GALNT14: variants seen among roughly 807,000 people sequenced by gnomAD.
GALNT14 encodes the protein UDP-GalNAc:polypeptide N-acetylgalactosaminyltransferase 14.
In GALNT14, 60 loss-of-function variants were observed where a neutral mutation model predicts 77.5. The ratio of observed to expected loss-of-function variants is 0.77; its 90% CI spans 0.63 to 0.96. The LOEUF (loss-of-function observed/expected upper bound fraction) is 0.96. GALNT14 is among the 40% of genes least tolerant of loss of function. The pLI is 0.00. For missense variants in GALNT14, 710 were observed against 731.0 expected (o/e 0.97, Z 0.33); for synonymous variants, 280 against 281.7 (o/e 0.99, Z 0.06).
chr2:30,918,770 T>G (rs1202563111), intron 13 of GALNT14, among the ~76,000 whole-genome samples: 3 of 75,962 alleles, frequency 3.9e-5, no homozygotes, highest in African/African-American at 5.2e-5. Context: ...GCAGGGAGGG[T>G]GGCATCGGGC....
chr2:31,044,837 C>T (rs577959129), intron 1 of GALNT14, among the ~76,000 whole-genome samples: 7 of 152,042 alleles, frequency 4.6e-5, no homozygotes, highest in Admixed American at 2.6e-4. Context: ...ATCACTTGAG[C>T]ATGGGAGGTG....
intron 1 of GALNT14, among the ~76,000 whole-genome samples, chr2:31,087,205 G>A (rs1676472489): frequency 6.6e-6 from 1 of 152,146 alleles, no homozygotes. Context: ...TGCCAGTGTG[G>A]GCTGTTGAAT....
chr2:31,088,432 G>A (rs1442276819), intron 1 of GALNT14, among the ~76,000 whole-genome samples: 1 of 152,154 alleles, frequency 6.6e-6, no homozygotes, highest in Non-Finnish European at 1.5e-5. Context: ...ACTTTGAAAT[G>A]TGCTTGCCTG....
chr2:30,965,694 T>TGAAGTGGGACTGAAGCCCAG (rs1667962848), intron 3 of GALNT14, among the ~76,000 whole-genome samples: 1 of 152,118 alleles, frequency 6.6e-6, no homozygotes, highest in South Asian at 2.1e-4. Flanking sequence ...GGAACGGGGA[T>TGAAGTGGGACTGAAGCCCAG]GGAACTGCAG....
chr2:30,913,617 G>T (rs1027166700), intron 13 of GALNT14, among the ~76,000 whole-genome samples: 1 of 152,126 alleles, frequency 6.6e-6, no homozygotes. Flanking sequence ...TCCTGAATAC[G>T]TCCACCTTGA....
rs188161261 is a variant in GALNT14, at chr2:30,926,783, C to T, written c.1152-1960G>A. ...GAGAAGACTCATGCTGATGGGGCAG[C>T]GAAAGAGGACAGTCCAGGGTGCAAG... On this transcript the variant is annotated intron_variant, in intron 11 of 14. Transcript: ENST00000349752. Among the ~76,000 whole-genome samples the T allele has an allele frequency of 1.7e-3, 262 of 151,796 alleles. 1 individual carries two copies. The highest frequency in any genetic ancestry group is 3.4e-3 in the Middle Eastern group (1 of 294).
chr2:30,933,580 C>A (rs1466180369), intron 9 of GALNT14, among the ~76,000 whole-genome samples: 1 of 152,206 alleles, frequency 6.6e-6, no homozygotes, highest in Non-Finnish European at 1.5e-5. Flanking sequence ...ACCTTCTCTG[C>A]ACCTGCCCCT....
chr2:31,017,552 T>C (rs1037591802), intron 1 of GALNT14, among the ~76,000 whole-genome samples: 4 of 152,186 alleles, frequency 2.6e-5, no homozygotes, highest in African/African-American at 9.7e-5. Context: ...TGGGACCCTT[T>C]GCTCCAAGTA....
intron 1 of GALNT14, among the ~76,000 whole-genome samples, chr2:30,996,890 G>A (rs1373800966): frequency 6.6e-6 from 1 of 152,194 alleles, no homozygotes; most frequent in Non-Finnish European, 1.5e-5. Context: ...ACTGGGAGCT[G>A]GGCTTTTCTA....
intron 14 of GALNT14, among the ~76,000 whole-genome samples, chr2:30,911,527 G>A (rs551603957): frequency 1.3e-5 from 2 of 152,242 alleles, no homozygotes; most frequent in South Asian, 2.1e-4. Flanking sequence ...TCTCACACTT[G>A]ACCTCGCATG....
intron 1 of GALNT14, among the ~76,000 whole-genome samples, chr2:31,025,548 A>T (rs1234849354): frequency 6.6e-6 from 1 of 152,320 alleles, no homozygotes; most frequent in East Asian, 1.9e-4. Flanking sequence ...CAGGGAGCAG[A>T]GAAAACACCG....
At chr2:30,935,738 C>G (rs1666016783) in intron 9 of GALNT14, among the ~76,000 whole-genome samples, 1 of 152,174 alleles carries the variant, frequency 6.6e-6, no homozygotes, top group South Asian at 2.1e-4. Context: ...TGTATCCTCT[C>G]AGGATTGCAG....
chr2:31,115,830 G>T (rs1364830771), intron 1 of GALNT14, among the ~76,000 whole-genome samples: 1 of 152,140 alleles, frequency 6.6e-6, no homozygotes, highest in Admixed American at 6.5e-5. Flanking sequence ...AGGTGAGCCT[G>T]GGCAACATAG....
the GALNT14 span, among the ~76,000 whole-genome samples, chr2:30,905,069 A>T: frequency 6.6e-6 from 1 of 152,208 alleles, no homozygotes; most frequent in Admixed American, 6.5e-5. Flanking sequence ...GTACAACATC[A>T]TCATCAAAGA....
At chr2:31,055,913 A>G (rs2148529083) in intron 1 of GALNT14, among the ~76,000 whole-genome samples, 1 of 152,368 alleles carries the variant, frequency 6.6e-6, no homozygotes, top group South Asian at 2.1e-4. Flanking sequence ...GCTAATAGCA[A>G]TGATTCTCCC....
downstream of GALNT14, among the ~76,000 whole-genome samples, chr2:30,906,903 T>A (rs1370199512): frequency 6.6e-6 from 1 of 152,160 alleles, no homozygotes; most frequent in Non-Finnish European, 1.5e-5. Context: ...GGATTAAGAA[T>A]CTCACTCAAA....
chr2:30,889,635 GCC>G, the GALNT14 span, among the ~76,000 whole-genome samples: 2 of 152,220 alleles, frequency 1.3e-5, no homozygotes, highest in Non-Finnish European at 2.9e-5. Context: ...TGCAGGTTAT[GCC>G]AGCGAGTGGC....
chr2:30,893,940 T>C, the GALNT14 span, among the ~76,000 whole-genome samples: 1 of 152,160 alleles, frequency 6.6e-6, no homozygotes, highest in Non-Finnish European at 1.5e-5. Flanking sequence ...GAAAAATATG[T>C]TACATCTTGA....
chr2:31,056,767 A>G (rs748212613), intron 1 of GALNT14, among the ~76,000 whole-genome samples: 1 of 152,222 alleles, frequency 6.6e-6, no homozygotes, highest in Non-Finnish European at 1.5e-5. Flanking sequence ...GATGCATTAA[A>G]CAAGATCTAG....
Sources: gnomAD v4.1 joint callset for allele counts (sites outside exome capture counted in the v4.1 genomes callset) on GRCh38, gnomAD v4.1.1 for gene constraint, MANE v1.5 for transcripts, NCBI Gene and HGNC (gene_info 2026-07-23, HGNC 2026-07-21) for gene names.